Variants in EYS observed in about 807,000 individuals in gnomAD.
The protein encoded by EYS is protein eyes shut homolog.
A neutral mutation model predicts 282.1 loss-of-function variants in EYS; 250 were observed. That is an observed-to-expected ratio of 0.89 (90% confidence interval 0.80 to 0.98). The LOEUF is 0.98. Among genes scored for constraint, EYS ranks in the 50% least tolerant of loss-of-function variants. The probability of loss-of-function intolerance (pLI) is 0.00; values close to 1 mark genes in which losing one functional copy is unlikely to be tolerated. For synonymous variants in EYS, 1,355 were observed against 1,282.9 expected (o/e 1.06, Z -1.20); for missense variants, 4,016 against 3,709.0 (o/e 1.08, Z -2.15).
rs1011193191 is a variant in EYS, at chr6:63,726,541, T to C, written c.8211A>G (p.Ala2737=). 1 of 1,551,012 alleles carries C rather than the reference T, an allele frequency of 6.4e-7. No homozygotes were observed. ...TACCTGATTGGGCTTTTAAGTGTTGTGCAGCATAAAATAGGATACCATCTG... is the reference window on the plus strand; with the variant it reads ...TACCTGATTGGGCTTTTAAGTGTTGCGCAGCATAAAATAGGATACCATCTG... ...LAADGILFYA[A]QHLKAQSGDF... Residue 2737 remains alanine (A), a synonymous_variant, in exon 42 of 43, where the codon GCA becomes GCG. Coordinates refer to ENST00000503581, the MANE Select transcript of EYS (RefSeq NM_001142800.2).
intron 22 of EYS, among the ~76,000 whole-genome samples, chr6:64,650,273 A>T (rs1768511797): frequency 6.6e-6 from 1 of 151,968 alleles, no homozygotes; most frequent in Non-Finnish European, 1.5e-5. Context: ...TTAAGTAGCT[A>T]CAAAATGAAT....
At chr6:63,866,695 G>A (rs1391503704) in intron 35 of EYS, among the ~76,000 whole-genome samples, 1 of 152,196 alleles carries the variant, frequency 6.6e-6, no homozygotes, top group East Asian at 1.9e-4. Flanking sequence ...GGCAACTAGA[G>A]TAGAGAGAGA....
intron 19 of EYS, among the ~76,000 whole-genome samples, chr6:64,839,063 G>C (rs1256012409): frequency 2.6e-5 from 4 of 151,950 alleles, no homozygotes; most frequent in Non-Finnish European, 5.9e-5. Context: ...ATTCATAACA[G>C]AAATTCTGTC....
chr6:64,107,783 T>C (rs749731184), intron 31 of EYS, among the ~76,000 whole-genome samples: 1 of 152,060 alleles, frequency 6.6e-6, no homozygotes, highest in Non-Finnish European at 1.5e-5. Context: ...TAAATAGGCC[T>C]TTAGTAATGT....
chr6:65,171,731 A>G (rs1001013692), intron 12 of EYS, among the ~76,000 whole-genome samples: 1 of 151,506 alleles, frequency 6.6e-6, no homozygotes, highest in Admixed American at 6.6e-5. Flanking sequence ...TTCATTCTAC[A>G]GGAAAGATAA....
intron 22 of EYS, among the ~76,000 whole-genome samples, chr6:64,776,229 C>T (rs910631174): frequency 7.2e-5 from 11 of 152,162 alleles, no homozygotes; most frequent in African/African-American, 2.6e-4. Flanking sequence ...TTGAGGAGAT[C>T]GAGCAAACCT....
chr6:65,522,688 A>G (rs1236358202), intron 2 of EYS, among the ~76,000 whole-genome samples: 2 of 152,208 alleles, frequency 1.3e-5, no homozygotes, highest in African/African-American at 4.8e-5. Context: ...TTTGCATATT[A>G]TGTATAGTTT....
intron 26 of EYS, among the ~76,000 whole-genome samples, chr6:64,565,106 G>C (rs1350699257): frequency 6.6e-6 from 1 of 151,942 alleles, no homozygotes; most frequent in African/African-American, 2.4e-5. Flanking sequence ...CCATTCCCTA[G>C]ATTGTCTCTT....
intron 23 of EYS, among the ~76,000 whole-genome samples, chr6:64,625,609 C>T (rs1485340570): frequency 6.6e-6 from 1 of 152,182 alleles, no homozygotes; most frequent in Non-Finnish European, 1.5e-5. Context: ...CAAAGTCCCA[C>T]CTCTTAATAC....
chr6:65,675,670 C>T (rs1484647300), intron 1 of EYS, among the ~76,000 whole-genome samples: 1 of 151,704 alleles, frequency 6.6e-6, no homozygotes, highest in Non-Finnish European at 1.5e-5. Flanking sequence ...CCCACACTCC[C>T]CTTTTAATTA....
At position 64,424,831 on chromosome 6, in the gene EYS, A is replaced by G. The variant is rs188295014; in HGVS notation, c.5927+11343T>C. On this transcript the variant is annotated intron_variant, in intron 28 of 42. Transcript: ENST00000503581. Reference sequence around the variant, plus strand: ...TGGTTAGGAATATAGAAAATCAATGAGTAAAACAAGTAAATATAAAATGAA... The same window carrying G: ...TGGTTAGGAATATAGAAAATCAATGGGTAAAACAAGTAAATATAAAATGAA... 3.3e-5 allele frequency among the ~76,000 whole-genome samples: 5 copies of G among 152,336 alleles called. No individual in the cohort carries two copies. In the East Asian group the frequency reaches 9.6e-4, roughly 29 times the overall value.
In EYS at chr6:65,616,031, TAGA is replaced by T. The variant is rs1444825195; in HGVS notation, c.-333+23744_-333+23746del. ...CTTGACACAAAATTGTATCAAGAGT[TAGA>T]AGAACATGTTAATGCATTAGCATCA... On this transcript the variant is annotated intron_variant, in intron 2 of 42. Transcript: ENST00000503581. Among the ~76,000 whole-genome samples, 4 of 152,002 alleles carry T rather than the reference TAGA, an allele frequency of 2.6e-5. No homozygotes were observed. In the East Asian group the frequency reaches 7.7e-4, roughly 29 times the overall value.
At chr6:64,659,816 A>T (rs1768924177) in intron 22 of EYS, among the ~76,000 whole-genome samples, 1 of 152,164 alleles carries the variant, frequency 6.6e-6, no homozygotes, top group African/African-American at 2.4e-5. Flanking sequence ...TACAAGCAGG[A>T]GCTGGTACCA....
intron 36 of EYS, among the ~76,000 whole-genome samples, chr6:63,819,029 C>T (rs1175543256): frequency 2.6e-5 from 4 of 152,184 alleles, no homozygotes; most frequent in African/African-American, 9.6e-5. Flanking sequence ...TTTTCCATAG[C>T]ACTTATAATC....
chr6:64,752,161 A>T (rs1772780561), intron 22 of EYS, among the ~76,000 whole-genome samples: 3 of 152,132 alleles, frequency 2.0e-5, no homozygotes, highest in Non-Finnish European at 4.4e-5. Context: ...CCAAAATTAA[A>T]TTTTTGAAAT....
chr6:64,158,127 G>A (rs1442132704), intron 31 of EYS, among the ~76,000 whole-genome samples: 4 of 152,206 alleles, frequency 2.6e-5, no homozygotes, highest in Admixed American at 2.0e-4. Context: ...GAAATCAAAG[G>A]AGATCATTTG....
intron 31 of EYS, among the ~76,000 whole-genome samples, chr6:64,099,540 A>G (rs1053003731): frequency 6.6e-6 from 1 of 152,192 alleles, no homozygotes. Context: ...CTTGTTTGCC[A>G]AGTATTCTGT....
chr6:63,788,525 C>T (rs1461930450), intron 38 of EYS, among the ~76,000 whole-genome samples: 3 of 152,224 alleles, frequency 2.0e-5, no homozygotes, highest in Admixed American at 1.3e-4. Context: ...CTCCATTTAG[C>T]CTTCCTCCTC....
At chr6:65,292,609 A>G (rs1768556887) in intron 12 of EYS, among the ~76,000 whole-genome samples, 1 of 151,728 alleles carries the variant, frequency 6.6e-6, no homozygotes, top group South Asian at 2.1e-4. Context: ...GTACTTGTAG[A>G]CTGCTTTGGG....
Sources: allele counts gnomAD v4.1 joint callset (sites outside exome capture counted in the v4.1 genomes callset), GRCh38; gene constraint gnomAD v4.1.1; transcripts MANE v1.5; gene names NCBI Gene and HGNC (gene_info 2026-07-23, HGNC 2026-07-21).